The following LRMDA variants were observed in gnomAD, a reference collection of about 807,000 sequenced individuals.
The protein encoded by LRMDA is leucine rich melanocyte differentiation associated, also known as leucine-rich melanocyte differentiation-associated protein.
Under a neutral mutation model 29.8 loss-of-function variants are expected in LRMDA, and 18 were observed. The ratio of observed to expected loss-of-function variants is 0.60; its 90% CI spans 0.42 to 0.90. The LOEUF is 0.90. Ranked by LOEUF, LRMDA falls within the 40% of genes least tolerant of loss-of-function variation. LRMDA has a pLI of 0.00. For synonymous variants in LRMDA, 125 were observed against 109.4 expected (o/e 1.14, Z -0.89); for missense variants, 273 against 273.9 (o/e 1.00, Z 0.02).
At chr10:76,030,445 A>G (rs1311240582) in intron 2 of LRMDA, among the ~76,000 whole-genome samples, 2 of 152,226 alleles carry the variant, frequency 1.3e-5, no homozygotes, top group Non-Finnish European at 2.9e-5. Context: ...ATTTAAGGAT[A>G]TAAAAAAGAG....
chr10:76,420,868 G>A (rs1010633069), intron 6 of LRMDA, among the ~76,000 whole-genome samples: 6 of 151,768 alleles, frequency 4.0e-5, no homozygotes, highest in South Asian at 2.1e-4. Context: ...ATTTCATTCC[G>A]GTCAGAGAAT....
At position 75,657,356 on chromosome 10, in the gene LRMDA, G is replaced by A. The variant is rs1342789783; in HGVS notation, c.131+218862G>A. On this transcript the variant is annotated intron_variant, in intron 2 of 6. Transcript: ENST00000611255. ...TGGCATTTGAGCTGATCCTCATAAG[G>A]CAATCAGAGAGGAGAATGGAAGGCA... Among the ~76,000 whole-genome samples the A allele has an allele frequency of 2.0e-5, 3 of 152,182 alleles. No homozygotes were observed. In the East Asian group the frequency reaches 5.8e-4, roughly 29 times the overall value.
chr10:76,329,421 A>C (rs1840876838), intron 6 of LRMDA, among the ~76,000 whole-genome samples: 1 of 152,214 alleles, frequency 6.6e-6, no homozygotes, highest in African/African-American at 2.4e-5. Flanking sequence ...TGATGCTTAT[A>C]CTATAGTCTT....
chr10:75,902,206 G>A lies in LRMDA; in HGVS notation c.132-133802G>A, dbSNP rs145341522. 3.2e-4 allele frequency among the ~76,000 whole-genome samples: 49 copies of A among 152,260 alleles called. No individual in the cohort carries two copies. The East Asian group carries it at 5.4e-3, about 17-fold the overall frequency. ...CTTGGCCTTAGGGGTGCATGCCCGT[G>A]GCACCATGCACTATTGAGAGATAGG... is the stretch of plus-strand genomic sequence containing the variant. On this transcript the variant is annotated intron_variant, in intron 2 of 6. Coordinates refer to ENST00000611255, the MANE Select transcript of LRMDA (RefSeq NM_001305581.2).
chr10:76,101,351 T>G (rs2132102506), intron 5 of LRMDA, among the ~76,000 whole-genome samples: 1 of 152,340 alleles, frequency 6.6e-6, no homozygotes, highest in South Asian at 2.1e-4. Context: ...TTGTTGTTAG[T>G]TCTAAATTTA....
intron 5 of LRMDA, among the ~76,000 whole-genome samples, chr10:76,235,488 A>C (rs1382136165): frequency 1.3e-5 from 2 of 152,098 alleles, no homozygotes; most frequent in Non-Finnish European, 2.9e-5. Context: ...TTGTAGAAAA[A>C]ATAGTATCTG....
At chr10:75,870,725 C>T (rs1475087105) in intron 2 of LRMDA, among the ~76,000 whole-genome samples, 2 of 152,178 alleles carry the variant, frequency 1.3e-5, no homozygotes, top group Non-Finnish European at 2.9e-5. Flanking sequence ...TCTACTCTCC[C>T]CATTCACTGT....
At chr10:76,140,078 A>C (rs1850170841) in intron 5 of LRMDA, among the ~76,000 whole-genome samples, 1 of 152,140 alleles carries the variant, frequency 6.6e-6, no homozygotes, top group African/African-American at 2.4e-5. Context: ...AATCTGAGCC[A>C]GTCTCCACCC....
At chr10:76,191,877 A>T (rs913539230) in intron 5 of LRMDA, among the ~76,000 whole-genome samples, 2 of 152,234 alleles carry the variant, frequency 1.3e-5, no homozygotes, top group Non-Finnish European at 2.9e-5. Context: ...GGCCCTGATC[A>T]TGACAAAGGT....
chr10:75,820,238 A>G (rs1844133774), intron 2 of LRMDA, among the ~76,000 whole-genome samples: 1 of 152,228 alleles, frequency 6.6e-6, no homozygotes, highest in South Asian at 2.1e-4. Context: ...AGTCTCAAAA[A>G]TTGACCATAT....
intron 2 of LRMDA, among the ~76,000 whole-genome samples, chr10:75,566,908 G>A (rs1028756419): frequency 6.6e-6 from 1 of 152,242 alleles, no homozygotes; most frequent in East Asian, 1.9e-4. Context: ...GCCTTCCTTT[G>A]TTTAGTAAAT....
At chr10:76,292,134 A>G (rs1274762675) in intron 5 of LRMDA, among the ~76,000 whole-genome samples, 2 of 152,230 alleles carry the variant, frequency 1.3e-5, no homozygotes, top group Non-Finnish European at 2.9e-5. Context: ...AGGTCAGTAC[A>G]AGGTTGCCCA....
At chr10:76,308,105 C>G (rs2132373107) in intron 5 of LRMDA, among the ~76,000 whole-genome samples, 1 of 152,176 alleles carries the variant, frequency 6.6e-6, no homozygotes, top group Non-Finnish European at 1.5e-5. Flanking sequence ...AATAACAAAC[C>G]AACCCTACTT....
At chr10:76,088,999 A>G (rs1589321742) in intron 5 of LRMDA, among the ~76,000 whole-genome samples, 1 of 152,290 alleles carries the variant, frequency 6.6e-6, no homozygotes, top group South Asian at 2.1e-4. Context: ...ACATTTATTA[A>G]GTTCCTACTC....
At chr10:75,832,330 A>G (rs1161041253) in intron 2 of LRMDA, among the ~76,000 whole-genome samples, 1 of 152,158 alleles carries the variant, frequency 6.6e-6, no homozygotes, top group Admixed American at 6.5e-5. Flanking sequence ...AAATGCCACC[A>G]GTCTCTTTAC....
intron 5 of LRMDA, among the ~76,000 whole-genome samples, chr10:76,294,105 A>G (rs980234588): frequency 2.0e-5 from 3 of 152,210 alleles, no homozygotes; most frequent in African/African-American, 7.2e-5. Context: ...ATGTTTGCTC[A>G]TAAATTCATC....
intron 6 of LRMDA, among the ~76,000 whole-genome samples, chr10:76,390,854 A>G (rs751126917): frequency 8.5e-5 from 13 of 152,282 alleles, no homozygotes; most frequent in Non-Finnish European, 1.8e-4. Context: ...CTGATGTGGA[A>G]AAGATTTTTG....
chr10:76,023,759 A>G (rs974338626), intron 2 of LRMDA, among the ~76,000 whole-genome samples: 5 of 152,232 alleles, frequency 3.3e-5, no homozygotes, highest in Non-Finnish European at 7.3e-5. Context: ...CTCCCCATGC[A>G]TTCAAATGAT....
intron 2 of LRMDA, among the ~76,000 whole-genome samples, chr10:75,658,211 C>T (rs373037883): frequency 9.4e-5 from 14 of 148,530 alleles, no homozygotes; most frequent in Admixed American, 5.4e-4. Context: ...GGGAATGAAA[C>T]GTGCAAAGCC....
Sources: gnomAD v4.1 joint callset for allele counts (sites outside exome capture counted in the v4.1 genomes callset) on GRCh38, gnomAD v4.1.1 for gene constraint, MANE v1.5 for transcripts, NCBI Gene and HGNC (gene_info 2026-07-23, HGNC 2026-07-21) for gene names.